The following MAP2 variants were observed in gnomAD, a reference collection of about 807,000 sequenced individuals.
MAP2 encodes microtubule associated protein 2.
Under a neutral mutation model 137.6 loss-of-function variants are expected in MAP2, and 14 were observed. The ratio of observed to expected loss-of-function variants is 0.10; its 90% confidence interval spans 0.07 to 0.16. MAP2 has a LOEUF of 0.16. Ranked by LOEUF, MAP2 falls within the 10% of genes least tolerant of loss-of-function variation. The pLI, the probability that MAP2 is intolerant of heterozygous loss-of-function variation, is 1.00. For synonymous variants in MAP2, 786 were observed against 782.3 expected (o/e 1.00, Z -0.08); for missense variants, 2,088 against 2,191.5 (o/e 0.95, Z 0.94).
intron 2 of MAP2, among the ~76,000 whole-genome samples, chr2:209,547,719 G>A (rs2068364842): frequency 6.6e-6 from 1 of 152,150 alleles, no homozygotes; most frequent in Admixed American, 6.5e-5. Flanking sequence ...CATAGTGGTT[G>A]TAATGTAGTG....
intron 2 of MAP2, among the ~76,000 whole-genome samples, chr2:209,509,629 T>C (rs545604448): frequency 1.8e-4 from 28 of 152,058 alleles, no homozygotes; most frequent in Non-Finnish European, 3.4e-4. Context: ...AGCCAAGTTA[T>C]CAAAACAGAA....
In MAP2 at chr2:209,693,188, T is replaced by C. The variant is rs1261442889; in HGVS notation, c.1018T>C (p.Phe340Leu). The C allele has an allele frequency of 1.2e-6, 2 of 1,612,492 alleles. No individual in the cohort carries two copies. Among genetic ancestry groups the C allele is most frequent in the Non-Finnish European group, 1.7e-6 (2 of 1,179,566 alleles). Reference protein sequence around the residue: ...KNEIVTETSPFAPAFLQPDDK... With the variant: ...KNEIVTETSPLAPAFLQPDDK... ...TGAAATAGTTACAGAAACATCGCCC[T>C]TTGCCCCTGCCTTTTTACAGCCAGA... is the stretch of plus-strand genomic sequence containing the variant. Residue 340 changes from phenylalanine to leucine, a missense_variant, in exon 8 of 16, where the codon TTT (phenylalanine) becomes CTT (leucine). By Grantham distance (22) the Phe-to-Leu change is conservative. Transcript: ENST00000682079.
At position 209,530,692 on chromosome 2, in the gene MAP2, A is replaced by G. The variant is rs76439484; in HGVS notation, c.-172+23051A>G. On this transcript the variant is annotated intron_variant, in intron 2 of 15. Transcript: ENST00000682079. ...ATATTTATGAAGTTCCTGGCAGCAT[A>G]CAAGGTTCTTGATATATATTTTCAT... 7.7e-3 allele frequency among the ~76,000 whole-genome samples: 1,180 copies of G among 152,326 alleles called. 9 individuals are homozygous for G. Among genetic ancestry groups the G allele is most frequent in the South Asian group, 0.027 (130 of 4,832 alleles).
intron 7 of MAP2, chr2:209,690,903 C>A: frequency 8.3e-7 from 1 of 1,211,050 alleles, no homozygotes; most frequent in South Asian, 1.5e-5. Context: ...TCTCCAGTGG[C>A]TTACCAACCT....
At chr2:209,506,430 G>C (rs1475795137) in intron 1 of MAP2, among the ~76,000 whole-genome samples, 2 of 152,088 alleles carry the variant, frequency 1.3e-5, no homozygotes, top group African/African-American at 4.8e-5. Context: ...TTTCTAACAT[G>C]TAGAAGAACA....
intron 3 of MAP2, among the ~76,000 whole-genome samples, chr2:209,601,286 T>C (rs1181742869): frequency 6.6e-6 from 1 of 152,214 alleles, no homozygotes; most frequent in Non-Finnish European, 1.5e-5. Context: ...CTTTTTTCTT[T>C]TTTTCAAGTT....
chr2:209,502,756 A>G (rs1336141246), intron 1 of MAP2, among the ~76,000 whole-genome samples: 1 of 151,988 alleles, frequency 6.6e-6, no homozygotes, highest in Non-Finnish European at 1.5e-5. Flanking sequence ...CTTATTTTTT[A>G]TCTTCTTAAT....
At chr2:209,514,177 GT>G (rs35287109) in intron 2 of MAP2, among the ~76,000 whole-genome samples, 7,758 of 151,978 alleles carry the variant, frequency 0.051, 223 homozygotes, top group South Asian at 0.093. Context: ...TCCTGGATAT[GT>G]TTTTTTAATA....
intron 2 of MAP2, among the ~76,000 whole-genome samples, chr2:209,524,040 T>G (rs1323082102): frequency 6.6e-6 from 1 of 150,634 alleles, no homozygotes; most frequent in Non-Finnish European, 1.5e-5. Flanking sequence ...TATTTGAGCT[T>G]TTTTTTTTAT....
Position 209,507,582 on chromosome 2 carries a change from C to T in MAP2, c.-221-10C>T, listed in dbSNP as rs2061231885. ...TTAACTTACTGGGTATTTTTCTTTT[C>T]TTCTTTTAGATTTTATTGATCTAAT... On this transcript the variant is annotated splice_polypyrimidine_tract_variant and intron_variant, in intron 1 of 15. Coordinates refer to ENST00000682079, the MANE Select transcript of MAP2 (RefSeq NM_001375505.1). The T allele has an allele frequency of 6.6e-6, 1 of 151,954 alleles. No homozygotes were observed. Among genetic ancestry groups the T allele is most frequent in the Admixed American group, 6.6e-5 (1 of 15,252 alleles). 9.4% of individuals were successfully genotyped at this position (151,954 alleles called of 1,614,324 possible). A position where few individuals can be genotyped will look rare whatever the true frequency, so the allele number is the denominator to read the frequency against.
At chr2:209,475,763 CTA>C (rs1433601934) in intron 1 of MAP2, among the ~76,000 whole-genome samples, 1 of 152,074 alleles carries the variant, frequency 6.6e-6, no homozygotes, top group African/African-American at 2.4e-5. Context: ...AACTTTAACA[CTA>C]TGTAATTATG....
Position 209,730,365 on chromosome 2 carries a change from G to T in MAP2, c.5452G>T (p.Val1818Phe). 6.2e-7 allele frequency: 1 copy of T among 1,614,000 alleles called. No homozygotes were observed. The highest frequency in any genetic ancestry group is 8.5e-7 in the Non-Finnish European group (1 of 1,179,930). ...SPQLATLAED[V>F]TAALAKQGL is the part of the protein sequence containing the mutation. ...TCAGCTTGCCACTTTGGCTGAGGAT[G>T]TCACTGCTGCACTCGCTAAGCAGGG... Residue 1818 changes from valine to phenylalanine, a missense_variant, in exon 16 of 16, where the codon GTC becomes TTC. Physicochemically the swap from Val to Phe is conservative, Grantham distance 50. Coordinates refer to ENST00000682079, the MANE Select transcript of MAP2 (RefSeq NM_001375505.1).
intron 1 of MAP2, among the ~76,000 whole-genome samples, chr2:209,461,179 A>G (rs779418747): frequency 2.4e-4 from 37 of 152,230 alleles, no homozygotes; most frequent in African/African-American, 7.7e-4. Flanking sequence ...ACTATTCACA[A>G]TGGTTCAAAT....
At chr2:209,636,172 T>C (rs2153563582) in intron 4 of MAP2, among the ~76,000 whole-genome samples, 1 of 152,300 alleles carries the variant, frequency 6.6e-6, no homozygotes, top group East Asian at 1.9e-4. Context: ...GAGACAGTTG[T>C]AGTCTCTGTC....
intron 2 of MAP2, among the ~76,000 whole-genome samples, chr2:209,574,818 T>G (rs992090416): frequency 4.6e-5 from 7 of 152,208 alleles, no homozygotes; most frequent in Non-Finnish European, 7.3e-5. Flanking sequence ...TCAGTGATTT[T>G]GGATATCATG....
At chr2:209,518,134 T>A (rs288052) in intron 2 of MAP2, among the ~76,000 whole-genome samples, 69,401 of 151,878 alleles carry the variant, frequency 0.46, 17,099 homozygotes, top group African/African-American at 0.64. Context: ...GTGGTTATTA[T>A]TAAATCAAGT....
intron 14 of MAP2, among the ~76,000 whole-genome samples, chr2:209,728,853 G>A (rs1303864722): frequency 1.4e-5 from 2 of 145,826 alleles, no homozygotes; most frequent in Non-Finnish European, 3.0e-5. Flanking sequence ...CTACGTTACC[G>A]CTTCTTTCCA....
intron 1 of MAP2, among the ~76,000 whole-genome samples, chr2:209,505,985 G>GAAAAGA (rs754698909): frequency 4.6e-5 from 7 of 151,816 alleles, no homozygotes; most frequent in Non-Finnish European, 7.4e-5. Flanking sequence ...AAAAAGAAAA[G>GAAAAGA]AAAAGAAAAA....
At chr2:209,513,814 CA>C (rs1203752632) in intron 2 of MAP2, among the ~76,000 whole-genome samples, 2 of 152,058 alleles carry the variant, frequency 1.3e-5, no homozygotes, top group African/African-American at 4.8e-5. Flanking sequence ...GTCATGTGAA[CA>C]AATGAGGAGG....
Sources: gnomAD v4.1 joint callset for allele counts (sites outside exome capture counted in the v4.1 genomes callset) on GRCh38, gnomAD v4.1.1 for gene constraint, MANE v1.5 for transcripts, NCBI Gene and HGNC (gene_info 2026-07-23, HGNC 2026-07-21) for gene names.